DOK6: variants seen among roughly 807,000 people sequenced by gnomAD.
DOK6 encodes the protein downstream of tyrosine kinase 6.
DOK6 carries 22 observed loss-of-function variants against 44.0 expected under a neutral mutation model. The observed-to-expected ratio is 0.50, with a 90% CI of 0.36 to 0.71. The LOEUF (loss-of-function observed/expected upper bound fraction) is 0.71, where lower values mean the gene tolerates loss of function less well. Ranked by LOEUF, DOK6 falls within the 30% of genes least tolerant of loss-of-function variation. The pLI, the probability that DOK6 is intolerant of heterozygous loss-of-function variation, is 0.00. For missense variants in DOK6, 340 were observed against 416.4 expected (o/e 0.82, Z 1.60); for synonymous variants, 166 against 145.5 (o/e 1.14, Z -1.01).
chr18:69,782,209 GAT>G (rs1491116622), intron 7 of DOK6, among the ~76,000 whole-genome samples: 6 of 121,898 alleles, frequency 4.9e-5, no homozygotes, highest in Non-Finnish European at 1.0e-4. Context: ...TGTGTTCTAA[GAT>G]TTTTTTTTTT....
intron 7 of DOK6, among the ~76,000 whole-genome samples, chr18:69,810,225 C>A (rs1304000320): frequency 1.3e-5 from 2 of 151,546 alleles, no homozygotes; most frequent in African/African-American, 4.8e-5. Context: ...AGAACAGTTT[C>A]TTCAATAAAT....
intron 7 of DOK6, among the ~76,000 whole-genome samples, chr18:69,776,935 T>C (rs1436211755): frequency 2.9e-5 from 4 of 138,186 alleles, no homozygotes; most frequent in African/African-American, 1.1e-4. Context: ...CTCACTCAGG[T>C]GGGAATTGAA....
chr18:69,789,521 A>AT (rs1196448641), intron 7 of DOK6, among the ~76,000 whole-genome samples: 1 of 152,002 alleles, frequency 6.6e-6, no homozygotes, highest in Non-Finnish European at 1.5e-5. Flanking sequence ...TAAAACTAAA[A>AT]TTATCTCTAT....
chr18:69,693,517 A>G (rs1008848408), intron 4 of DOK6, among the ~76,000 whole-genome samples: 3 of 152,194 alleles, frequency 2.0e-5, no homozygotes, highest in African/African-American at 7.2e-5. Context: ...AGGGAAATTT[A>G]GCTGAACAGA....
intron 3 of DOK6, among the ~76,000 whole-genome samples, chr18:69,649,978 C>A (rs1985180817): frequency 1.3e-5 from 2 of 152,010 alleles, no homozygotes; most frequent in Admixed American, 1.3e-4. Context: ...GGATCCCCTC[C>A]CTTCCTAGAG....
chr18:69,479,524 C>T (rs1841301680), intron 1 of DOK6, among the ~76,000 whole-genome samples: 1 of 152,116 alleles, frequency 6.6e-6, no homozygotes, highest in Non-Finnish European at 1.5e-5. Context: ...TACTTTGCTG[C>T]AGATGTGCTT....
intron 6 of DOK6, among the ~76,000 whole-genome samples, chr18:69,754,519 A>G (rs886247802): frequency 7.9e-5 from 12 of 152,314 alleles, no homozygotes; most frequent in African/African-American, 2.4e-4. Context: ...GAGAGTACTC[A>G]TATTAGTTTG....
intron 3 of DOK6, among the ~76,000 whole-genome samples, chr18:69,604,259 A>C (rs1722746320): frequency 6.6e-6 from 1 of 152,214 alleles, no homozygotes; most frequent in East Asian, 1.9e-4. Flanking sequence ...TTTCGAACAC[A>C]CAGAAACCTC....
At chr18:69,829,717 A>G (rs1274006073) in intron 7 of DOK6, among the ~76,000 whole-genome samples, 1 of 151,970 alleles carries the variant, frequency 6.6e-6, no homozygotes, top group East Asian at 1.9e-4. Context: ...AAGACACAAA[A>G]CCCAGAAAAC....
intron 1 of DOK6, among the ~76,000 whole-genome samples, chr18:69,559,911 T>C (rs1982786219): frequency 6.6e-6 from 1 of 152,208 alleles, no homozygotes; most frequent in Non-Finnish European, 1.5e-5. Flanking sequence ...GTAAGAGCAC[T>C]AATCCCATTA....
intron 1 of DOK6, among the ~76,000 whole-genome samples, chr18:69,406,531 T>A (rs1916209317): frequency 6.6e-6 from 1 of 152,242 alleles, no homozygotes; most frequent in Admixed American, 6.5e-5. Flanking sequence ...TCTCAGTTTT[T>A]ATCTTGATAG....
At chr18:69,752,247 TG>T (rs1330098074) in intron 6 of DOK6, among the ~76,000 whole-genome samples, 2 of 152,082 alleles carry the variant, frequency 1.3e-5, no homozygotes, top group African/African-American at 4.8e-5. Flanking sequence ...CTTATAAAAA[TG>T]TATTTTTTTA....
At chr18:69,523,006 A>T (rs1232588461) in intron 1 of DOK6, among the ~76,000 whole-genome samples, 1 of 152,090 alleles carries the variant, frequency 6.6e-6, no homozygotes. Flanking sequence ...CCAGAGAAAG[A>T]CAAAGAGAAG....
At chr18:69,786,469 G>T (rs1053940581) in intron 7 of DOK6, among the ~76,000 whole-genome samples, 5 of 152,166 alleles carry the variant, frequency 3.3e-5, no homozygotes, top group African/African-American at 1.2e-4. Context: ...AGAGATTGAT[G>T]TAGAGTTGAA....
chr18:69,726,394 GT>G (rs1978307621), intron 5 of DOK6, among the ~76,000 whole-genome samples: 1 of 151,812 alleles, frequency 6.6e-6, no homozygotes, highest in South Asian at 2.1e-4. Context: ...AACTCATACC[GT>G]TCCTCCAGTT....
intron 1 of DOK6, among the ~76,000 whole-genome samples, chr18:69,548,679 T>C (rs1982476552): frequency 6.6e-6 from 1 of 151,608 alleles, no homozygotes; most frequent in Non-Finnish European, 1.5e-5. Context: ...AAATACACGG[T>C]CACTCAACCA....
At chr18:69,419,944 A>G (rs1978440190) in intron 1 of DOK6, among the ~76,000 whole-genome samples, 1 of 152,204 alleles carries the variant, frequency 6.6e-6, no homozygotes, top group African/African-American at 2.4e-5. Flanking sequence ...AGCAATATCA[A>G]TTGATTGCAA....
Position 69,401,108 on chromosome 18 carries a change from C to T in DOK6, c.-137C>T. The stretch of plus-strand genomic sequence containing the variant: ...GACCCCGCGTCCCCACCGGCGGGAG[C>T]TCGGGGAAGAGCGGGCGGCGGCGCT... On this transcript the variant is annotated 5_prime_UTR_variant, in exon 1 of 8. Transcript: ENST00000382713. The T allele has an allele frequency of 1.2e-6, 1 of 838,158 alleles. No homozygotes were observed. The highest frequency in any genetic ancestry group is 1.6e-6 in the Non-Finnish European group (1 of 623,918). The allele number at this position is 838,158 out of a possible 1,614,324, so 51.9% of individuals were successfully genotyped here. A position where few individuals can be genotyped will look rare whatever the true frequency, so the allele number is the denominator to read the frequency against.
At chr18:69,752,604 A>G in intron 6 of DOK6, among the ~76,000 whole-genome samples, 1 of 152,310 alleles carries the variant, frequency 6.6e-6, no homozygotes, top group East Asian at 1.9e-4. Context: ...AGGAACTTTA[A>G]TACAGTAATT....
Sources: gnomAD v4.1 joint callset for allele counts (sites outside exome capture counted in the v4.1 genomes callset) on GRCh38, gnomAD v4.1.1 for gene constraint, MANE v1.5 for transcripts, NCBI Gene and HGNC (gene_info 2026-07-23, HGNC 2026-07-21) for gene names.